WWC2: variants seen among roughly 807,000 people sequenced by gnomAD.
WWC2 encodes WW and C2 domain containing 2.
In WWC2, 101 loss-of-function variants were observed where a neutral mutation model predicts 138.5. The ratio of observed to expected loss-of-function variants is 0.73; its 90% CI spans 0.62 to 0.86. The LOEUF is 0.86. Among genes scored for constraint, WWC2 ranks in the 40% least tolerant of loss-of-function variants. The pLI is 0.00. For synonymous variants in WWC2, 558 were observed against 538.4 expected (o/e 1.04, Z -0.50); for missense variants, 1,420 against 1,419.4 (o/e 1.00, Z -0.01).
chr4:183,196,433 G>A (rs909294780), intron 2 of WWC2, among the ~76,000 whole-genome samples: 1 of 152,068 alleles, frequency 6.6e-6, no homozygotes, highest in Non-Finnish European at 1.5e-5. Flanking sequence ...CTTCTTCACC[G>A]GGACCTGCTG....
intron 1 of WWC2, among the ~76,000 whole-genome samples, chr4:183,180,915 G>A (rs552302010): frequency 9.3e-4 from 141 of 152,158 alleles, no homozygotes; most frequent in Middle Eastern, 3.4e-3. Context: ...GGTATGGCAC[G>A]AATGCATAAA....
At position 183,282,754 on chromosome 4, in the gene WWC2, G is replaced by A. The variant is rs1301171567; in HGVS notation, c.2731G>A (p.Glu911Lys). ...CTCTGATGAAATTGTGGCTGAAAAA[G>A]AGGCTGAAGTTAAATTGCCAGAGGA... Reference protein sequence around the residue: ...EASDEIVAEKEAEVKLPEDSS... With the variant: ...EASDEIVAEKKAEVKLPEDSS... Residue 911 changes from glutamate (E) to lysine (K), a missense_variant, in exon 18 of 23, where the codon GAG (glutamate) becomes AAG (lysine). Transcript: ENST00000403733. 2 of 1,579,252 alleles carry A rather than the reference G, an allele frequency of 1.3e-6. No individual in the cohort carries two copies. The highest frequency in any genetic ancestry group is 1.7e-6 in the Non-Finnish European group (2 of 1,161,816).
chr4:183,164,276 ATATATATATATATATATATATATAC>A (rs1561443532), intron 1 of WWC2, among the ~76,000 whole-genome samples: 1 of 424 alleles, frequency 2.4e-3, no homozygotes, highest in Non-Finnish European at 0.062. Flanking sequence ...ATATATATAT[ATATATATATATATATATATATATAC>A]ATATATATAT....
chr4:183,195,674 C>A (rs1438530116), intron 2 of WWC2, among the ~76,000 whole-genome samples: 1 of 152,152 alleles, frequency 6.6e-6, no homozygotes, highest in Non-Finnish European at 1.5e-5. Context: ...AAACAGATGG[C>A]ATTAAACTCC....
At position 183,261,000 on chromosome 4, in the gene WWC2, G is replaced by T. The variant is rs369579410; in HGVS notation, c.1377G>T (p.Gly459=). ...SRGSLNTSSR[G]SLNSLSSTEL... ...GCTCTCTGAACACCTCCAGCAGAGG[G>T]TCACTCAACTCCCTCAGTTCCACCG... Residue 459 remains glycine (G), a synonymous_variant, in exon 11 of 23, where the codon GGG becomes GGT. Coordinates refer to ENST00000403733, the MANE Select transcript of WWC2 (RefSeq NM_024949.6). 5 of 1,613,876 alleles carry T rather than the reference G, an allele frequency of 3.1e-6. No homozygotes were observed. The highest frequency in any genetic ancestry group is 1.1e-5 in the South Asian group (1 of 91,074).
intron 1 of WWC2, among the ~76,000 whole-genome samples, chr4:183,176,218 C>T (rs757490773): frequency 2.2e-4 from 33 of 152,260 alleles, no homozygotes; most frequent in East Asian, 7.7e-4. Context: ...TATAAAAATT[C>T]AATCGTATGT....
At chr4:183,148,456 A>G (rs1308298257) in intron 1 of WWC2, among the ~76,000 whole-genome samples, 2 of 152,164 alleles carry the variant, frequency 1.3e-5, no homozygotes, top group African/African-American at 4.8e-5. Context: ...ATTGATATCC[A>G]TCTCTGATTT....
Position 183,243,925 on chromosome 4 carries a change from T to G in WWC2, c.603-1491T>G, listed in dbSNP as rs925442. 1.5e-3 allele frequency among the ~76,000 whole-genome samples: 225 copies of G among 152,324 alleles called. 1 individual carries two copies. The Middle Eastern group carries it at 0.048, about 32-fold the overall frequency. On this transcript the variant is annotated intron_variant, in intron 5 of 22. Transcript: ENST00000403733. ...CAGCATAAGATAGTTACTAAAACAG[T>G]GCTTGGGGAAATACATTATCTATAA...
chr4:183,102,019 A>G (rs911458956), intron 1 of WWC2, among the ~76,000 whole-genome samples: 10 of 152,244 alleles, frequency 6.6e-5, no homozygotes, highest in African/African-American at 2.4e-4. Context: ...GCATTTTATA[A>G]GAACATAATT....
chr4:183,265,605 C>T, intron 12 of WWC2, 83 bp from the exon 13 acceptor site: 1 of 1,389,186 alleles, frequency 7.2e-7, no homozygotes, highest in Non-Finnish European at 1.0e-6. Flanking sequence ...GATTTTCATT[C>T]AGAATCACTA....
chr4:183,315,655 A>G lies in WWC2; in HGVS notation c.3513-8A>G. ...TATAAGTCAATTTATTTCTCACCCC[A>G]ACTCTAGGGAGAAGATTGCCTACTT... On this transcript the variant is annotated splice_region_variant and splice_polypyrimidine_tract_variant and intron_variant, in intron 22 of 22. Coordinates refer to ENST00000403733, the MANE Select transcript of WWC2 (RefSeq NM_024949.6). 6.2e-7 allele frequency: 1 copy of G among 1,610,650 alleles called. No individual in the cohort carries two copies. Among genetic ancestry groups the G allele is most frequent in the Non-Finnish European group, 8.5e-7 (1 of 1,178,112 alleles).
At position 183,318,685 on chromosome 4, in the gene WWC2, A is replaced by G. The variant is rs966141450; in HGVS notation, c.*2956A>G. The G allele has an allele frequency of 8.5e-5, 13 of 152,208 alleles. No individual in the cohort carries two copies. Among genetic ancestry groups the G allele is most frequent in the African/African-American group, 2.9e-4 (12 of 41,444 alleles). The allele number at this position is 152,208 out of a possible 1,614,324, so 9.4% of individuals were successfully genotyped here. A position where few individuals can be genotyped will look rare whatever the true frequency, so the allele number is the denominator to read the frequency against. ...GTGATGAATAGTTCTTGTTGGAACT[A>G]TATGTATTGCTGATAAAAAAGGACG... On this transcript the variant is annotated 3_prime_UTR_variant, in exon 23 of 23. Coordinates refer to ENST00000403733, the MANE Select transcript of WWC2 (RefSeq NM_024949.6).
chr4:183,231,423 C>T (rs1246864926), intron 4 of WWC2, among the ~76,000 whole-genome samples: 1 of 151,618 alleles, frequency 6.6e-6, no homozygotes, highest in African/African-American at 2.4e-5. Context: ...GCGGGTACCA[C>T]CACACTCAGC....
chr4:183,250,555 C>G (rs1736946069), intron 8 of WWC2, among the ~76,000 whole-genome samples: 1 of 152,030 alleles, frequency 6.6e-6, no homozygotes, highest in Non-Finnish European at 1.5e-5. Context: ...CTTTTACTTA[C>G]TTTGTGATTC....
chr4:183,283,017 C>G, intron 18 of WWC2, 111 bp downstream of exon 18: 1 of 1,174,800 alleles, frequency 8.5e-7, no homozygotes, highest in South Asian at 1.9e-5. Flanking sequence ...GATTTTGTGC[C>G]AAAAGCTGAT....
intron 1 of WWC2, among the ~76,000 whole-genome samples, chr4:183,145,462 A>G (rs1206839801): frequency 2.6e-5 from 4 of 152,216 alleles, no homozygotes; most frequent in East Asian, 1.9e-4. Flanking sequence ...TGTAATTTCA[A>G]TTTACCTGCA....
chr4:183,154,338 A>C (rs1209420880), intron 1 of WWC2, among the ~76,000 whole-genome samples: 1 of 152,182 alleles, frequency 6.6e-6, no homozygotes, highest in Non-Finnish European at 1.5e-5. Context: ...AAGGCTTATT[A>C]TGAGCATCCA....
At chr4:183,188,644 T>C (rs1427143347) in intron 1 of WWC2, among the ~76,000 whole-genome samples, 3 of 1,990 alleles carry the variant, frequency 1.5e-3, no homozygotes, top group Non-Finnish European at 4.1e-3. Context: ...TGCTCCTTTC[T>C]TTTTTTTTTT....
chr4:183,255,506 T>C (rs1158984648), intron 9 of WWC2, among the ~76,000 whole-genome samples: 1 of 152,218 alleles, frequency 6.6e-6, no homozygotes, highest in Admixed American at 6.5e-5. Context: ...AAAACAGCAA[T>C]GATGTTTCAT....
Sources: allele counts gnomAD v4.1 joint callset (sites outside exome capture counted in the v4.1 genomes callset), GRCh38; gene constraint gnomAD v4.1.1; transcripts MANE v1.5; gene names NCBI Gene and HGNC (gene_info 2026-07-23, HGNC 2026-07-21).